Variants in MGST1 observed in about 807,000 individuals in gnomAD.
The protein encoded by MGST1 is glutathione S-transferase 12.
MGST1 carries 5 observed loss-of-function variants against 8.9 expected under a neutral mutation model. The ratio of observed to expected loss-of-function variants is 0.56; its 90% CI spans 0.29 to 1.19. MGST1 has a LOEUF of 1.19. Among genes scored for constraint, MGST1 ranks in the 50% most tolerant of loss-of-function variants. The pLI is 0.08. For missense variants in MGST1, 182 were observed against 187.4 expected, an observed-to-expected ratio of 0.97 and a Z score of 0.17; for synonymous variants, 54 against 67.8, an observed-to-expected ratio of 0.80 and a Z score of 1.00.
At chr12:16,566,909 G>A (rs2137395041) in intron 4 of MGST1, among the ~76,000 whole-genome samples, 1 of 152,252 alleles carries the variant, frequency 6.6e-6, no homozygotes, top group South Asian at 2.1e-4. Flanking sequence ...TACAATTTCA[G>A]TAAAAAACTA....
chr12:16,568,714 T>G (rs1196387351), intron 4 of MGST1, among the ~76,000 whole-genome samples: 1 of 152,244 alleles, frequency 6.6e-6, no homozygotes, highest in Non-Finnish European at 1.5e-5. Flanking sequence ...TTAAAACACT[T>G]TCCTTGGCTA....
downstream of MGST1, among the ~76,000 whole-genome samples, chr12:16,365,746 C>CAG (rs1940175311): frequency 9.2e-6 from 1 of 109,034 alleles, no homozygotes; most frequent in South Asian, 2.9e-4. Flanking sequence ...TGCACGCGCA[C>CAG]ACACACACAC....
intron 1 of MGST1, among the ~76,000 whole-genome samples, chr12:16,414,387 G>A (rs1259263820): frequency 7.6e-6 from 1 of 132,430 alleles, no homozygotes; most frequent in Non-Finnish European, 1.6e-5. Context: ...AGGCCTCAAG[G>A]TGTTTTTATT....
At chr12:16,477,468 C>T (rs1426605360) in intron 4 of MGST1, among the ~76,000 whole-genome samples, 1 of 152,036 alleles carries the variant, frequency 6.6e-6, no homozygotes, top group Non-Finnish European at 1.5e-5. Flanking sequence ...TAGAATCCTC[C>T]CTAACTTAAA....
rs200073692 is a variant in MGST1, at chr12:16,408,030, C to CAAAAAAAAA, written n.778+24446_778+24454dup. Among the ~76,000 whole-genome samples the CAAAAAAAAA allele has an allele frequency of 1.8e-4, 8 of 44,098 alleles. 2 individuals carry two copies. In the East Asian group the frequency reaches 1.9e-3, roughly 11 times the overall value. 28.9% of individuals were successfully genotyped at this position (44,098 alleles called of 152,430 possible). A position where few individuals can be genotyped will look rare whatever the true frequency, so the allele number is the denominator to read the frequency against. On this transcript the variant is annotated intron_variant and non_coding_transcript_variant, in intron 1 of 1. Transcript: ENST00000359720. Reference sequence around the variant, plus strand: ...CTGGCAACAGAGCAAGACTCTGTCTCAAAAAAAAAAAAAAAAAAAAAAAAA... The same window carrying CAAAAAAAAA: ...CTGGCAACAGAGCAAGACTCTGTCTCAAAAAAAAAAAAAAAAAAAAAAAAAAAAAAAAAA...
At chr12:16,501,098 G>GAA (rs71054822) in intron 4 of MGST1, among the ~76,000 whole-genome samples, 12 of 83,790 alleles carry the variant, frequency 1.4e-4, no homozygotes, top group African/African-American at 2.7e-4. Context: ...ACTCTGTCTC[G>GAA]AAAAAAAAAA....
intron 4 of MGST1, among the ~76,000 whole-genome samples, chr12:16,472,293 T>C (rs986832365): frequency 6.6e-6 from 1 of 152,190 alleles, no homozygotes; most frequent in African/African-American, 2.4e-5. Context: ...TAAATTACTG[T>C]CAAATTACAA....
downstream of MGST1, chr12:16,367,482 G>T (rs1940212863): frequency 1.3e-5 from 2 of 152,206 alleles, no homozygotes; most frequent in Admixed American, 1.3e-4. Context: ...CCATTCTCCT[G>T]CTTTGGTCAA....
intron 4 of MGST1, among the ~76,000 whole-genome samples, chr12:16,545,014 A>G (rs1266429473): frequency 3.3e-5 from 5 of 152,096 alleles, no homozygotes. Context: ...AAAGATATAA[A>G]ACAAATATAG....
At chr12:16,408,964 CT>C (rs1180203609) in intron 1 of MGST1, among the ~76,000 whole-genome samples, 4 of 152,030 alleles carry the variant, frequency 2.6e-5, no homozygotes, top group African/African-American at 9.7e-5. Context: ...TTAGAAGATA[CT>C]TTTTTTCTGC....
chr12:16,574,411 T>G (rs1373071993), intron 4 of MGST1, among the ~76,000 whole-genome samples: 1 of 152,112 alleles, frequency 6.6e-6, no homozygotes, highest in Non-Finnish European at 1.5e-5. Flanking sequence ...AGTCACGGAT[T>G]TGCTGCTCTC....
downstream of MGST1, among the ~76,000 whole-genome samples, chr12:16,440,523 T>C (rs752275829): frequency 2.0e-5 from 3 of 151,832 alleles, no homozygotes; most frequent in Non-Finnish European, 2.9e-5. Context: ...CTGTTTTTTG[T>C]CTAACTCAAC....
At chr12:16,484,742 A>C (rs1035480398) in intron 4 of MGST1, among the ~76,000 whole-genome samples, 1 of 152,218 alleles carries the variant, frequency 6.6e-6, no homozygotes, top group South Asian at 2.1e-4. Flanking sequence ...AACCATCCGC[A>C]TGATTCAATC....
intron 4 of MGST1, among the ~76,000 whole-genome samples, chr12:16,512,451 G>A (rs1941583020): frequency 6.6e-6 from 1 of 152,088 alleles, no homozygotes; most frequent in African/African-American, 2.4e-5. Context: ...TGGTACTAAT[G>A]GTATTGGCTA....
chr12:16,441,991 T>C (rs1941043243), downstream of MGST1, among the ~76,000 whole-genome samples: 2 of 151,882 alleles, frequency 1.3e-5, no homozygotes, highest in Admixed American at 6.6e-5. Context: ...GTCAGTATTC[T>C]GGATTTTGGG....
chr12:16,376,063 CGT>C (rs1263060431), intron 3 of MGST1: 3 of 1,164,250 alleles, frequency 2.6e-6, no homozygotes, highest in Non-Finnish European at 3.5e-6. Flanking sequence ...TATGTGTTCA[CGT>C]GTGTGTATAT....
chr12:16,431,856 G>C (rs1940942117), intron 1 of MGST1, among the ~76,000 whole-genome samples: 1 of 152,086 alleles, frequency 6.6e-6, no homozygotes, highest in Admixed American at 6.6e-5. Context: ...AAAAAATGCA[G>C]TATCTGTGAA....
At chr12:16,378,555 T>C (rs1940416023), downstream of MGST1, among the ~76,000 whole-genome samples, 1 of 151,942 alleles carries the variant, frequency 6.6e-6, no homozygotes, top group African/African-American at 2.4e-5. Flanking sequence ...TGTAGCCTTG[T>C]AGTATAGTTT....
chr12:16,357,726 TA>T (rs1939787537), intron 3 of MGST1, 27 bp downstream of exon 3: 1 of 1,591,286 alleles, frequency 6.3e-7, no homozygotes, highest in African/African-American at 1.3e-5. Context: ...TGAAATTACT[TA>T]CTTTATGAAA....
Sources: gnomAD v4.1 joint callset for allele counts (sites outside exome capture counted in the v4.1 genomes callset) on GRCh38, gnomAD v4.1.1 for gene constraint, MANE v1.5 for transcripts, NCBI Gene and HGNC (gene_info 2026-07-23, HGNC 2026-07-21) for gene names.